Variants in ERICH2 observed in about 807,000 individuals in gnomAD.
ERICH2 encodes glutamate-rich protein 2.
In ERICH2, 17 loss-of-function variants were observed where a neutral mutation model predicts 17.4. That is an observed-to-expected ratio of 0.98 (90% CI 0.67 to 1.47). The LOEUF (loss-of-function observed/expected upper bound fraction) is 1.47, where lower values mean the gene tolerates loss of function less well. ERICH2 is among the 40% of genes most tolerant of loss of function. ERICH2 has a pLI of 0.00. For missense variants in ERICH2, 186 were observed against 183.2 expected, an observed-to-expected ratio of 1.01 and a Z score of -0.09; for synonymous variants, 51 against 61.1, an observed-to-expected ratio of 0.83 and a Z score of 0.77.
upstream of ERICH2, among the ~76,000 whole-genome samples, chr2:170,781,992 C>T (rs1701040694): frequency 6.6e-6 from 1 of 152,132 alleles, no homozygotes; most frequent in African/African-American, 2.4e-5. Context: ...TACTTAAATG[C>T]TCTGTGTTAA....
At chr2:170,791,235 C>G (rs1701281748) in intron 2 of ERICH2, among the ~76,000 whole-genome samples, 1 of 151,892 alleles carries the variant, frequency 6.6e-6, no homozygotes, top group South Asian at 2.1e-4. Flanking sequence ...TTAACCTAGA[C>G]AAGAATAGAT....
intron 3 of ERICH2, among the ~76,000 whole-genome samples, chr2:170,793,525 G>A (rs1247146780): frequency 2.0e-5 from 3 of 152,210 alleles, no homozygotes; most frequent in Non-Finnish European, 4.4e-5. Flanking sequence ...ATAGCCACAT[G>A]AATATCTGGA....
intron 2 of ERICH2, 107 bp downstream of exon 7, chr2:170,784,940 G>A (rs1701121560): frequency 1.1e-6 from 1 of 944,146 alleles, no homozygotes; most frequent in Non-Finnish European, 1.5e-6. Context: ...TAGATCTCAT[G>A]GAGGCAGAAC....
upstream of ERICH2, chr2:170,782,441 C>A (rs1259227170): frequency 4.4e-6 from 4 of 902,328 alleles, no homozygotes; most frequent in Non-Finnish European, 5.3e-6. Context: ...TAATTGAACC[C>A]TCCTTTTCTG....
rs191398012 is a variant in ERICH2 at position 170,791,647 on chromosome 2, G to A, written c.217-1216G>A. Among the ~76,000 whole-genome samples the A allele has an allele frequency of 7.4e-3, 1,124 of 151,790 alleles. 16 individuals are homozygous for A. Among genetic ancestry groups the A allele is most frequent in the African/African-American group, 0.026 (1,058 of 41,478 alleles). On this transcript the variant is annotated intron_variant, in intron 2 of 4. Coordinates refer to ENST00000409885, the Ensembl canonical transcript of ERICH2. ...AGAGCTTGCAGTGAGCCGAGATCGC[G>A]CCACTGCGCTCCAGCCTGGGCGACA...
chr2:170,798,785 A>C, exon 5 of ERICH2: 2 of 1,550,654 alleles, frequency 1.3e-6, no homozygotes, highest in Non-Finnish European at 1.7e-6. Context: ...ACTCAGAATC[A>C]TGAGCAAGAC....
At chr2:170,798,460 CA>C (rs1487720069) in intron 4 of ERICH2, among the ~76,000 whole-genome samples, 1 of 152,130 alleles carries the variant, frequency 6.6e-6, no homozygotes, top group African/African-American at 2.4e-5. Context: ...TTTCAATGGA[CA>C]ATTTTACTAT....
the ERICH2 span, chr2:170,775,506 T>A: frequency 6.6e-6 from 1 of 152,188 alleles, no homozygotes; most frequent in Non-Finnish European, 1.5e-5. Flanking sequence ...CAGGGGATTG[T>A]GGAACTCTGT....
chr2:170,783,786 G>A, exon 1 of ERICH2: 1 of 1,550,196 alleles, frequency 6.5e-7, no homozygotes, highest in Non-Finnish European at 8.7e-7. Context: ...TCAGTGCATT[G>A]AGTCAGTCTA....
At chr2:170,783,441 C>G (rs181290777), upstream of ERICH2, among the ~76,000 whole-genome samples, 452 of 152,192 alleles carry the variant, frequency 3.0e-3, 2 homozygotes, top group Middle Eastern at 0.024. Context: ...TCCAGCTACT[C>G]AGGAGGCTAA....
At chr2:170,785,350 G>T (rs567088834) in intron 2 of ERICH2, among the ~76,000 whole-genome samples, 3 of 152,186 alleles carry the variant, frequency 2.0e-5, no homozygotes, top group East Asian at 1.9e-4. Context: ...CTTTCACCAG[G>T]TTAGAGGTGA....
the ERICH2 span, among the ~76,000 whole-genome samples, chr2:170,773,391 C>A: frequency 6.6e-6 from 1 of 152,218 alleles, no homozygotes. Flanking sequence ...AAGGCAATTT[C>A]ACCTCTGTCC....
At chr2:170,774,416 A>G in the ERICH2 span, among the ~76,000 whole-genome samples, 9 of 152,122 alleles carry the variant, frequency 5.9e-5, no homozygotes, top group Non-Finnish European at 5.9e-5. Flanking sequence ...AATCCTTATA[A>G]TAATCCACCA....
At chr2:170,776,819 T>C in the ERICH2 span, among the ~76,000 whole-genome samples, 1 of 152,224 alleles carries the variant, frequency 6.6e-6, no homozygotes, top group South Asian at 2.1e-4. Context: ...GAAGGTTGGT[T>C]ACATAGGTAA....
At chr2:170,770,445 C>G in the ERICH2 span, among the ~76,000 whole-genome samples, 1 of 152,156 alleles carries the variant, frequency 6.6e-6, no homozygotes, top group Admixed American at 6.5e-5. Flanking sequence ...AGCCGGGTCT[C>G]TGGTTCTAAT....
At chr2:170,780,011 ATAC>A (rs1700991479), upstream of ERICH2, 1 of 209,268 alleles carries the variant, frequency 4.8e-6, no homozygotes, top group Non-Finnish European at 8.3e-6. Flanking sequence ...GACACTAAAT[ATAC>A]CCAACATGCT....
chr2:170,798,877 G>A, exon 5 of ERICH2: 1 of 1,550,598 alleles, frequency 6.4e-7, no homozygotes. Flanking sequence ...CTCTGACGAA[G>A]GTGAAGATGG....
At chr2:170,790,770 C>T (rs145682203) in intron 2 of ERICH2, among the ~76,000 whole-genome samples, 2,306 of 150,638 alleles carry the variant, frequency 0.015, 21 homozygotes, top group Middle Eastern at 0.038. Context: ...CACCACTGCA[C>T]TCCAGCCTGG....
chr2:170,771,288 T>C, the ERICH2 span: 21 of 152,298 alleles, frequency 1.4e-4, no homozygotes, highest in African/African-American at 4.6e-4. The surrounding 1 kb of genome is among the most constrained non-coding windows in gnomAD (Gnocchi z 4.8). Context: ...GGCGCCCGAG[T>C]CTGCGGACCG....
Sources: gnomAD v4.1 joint callset for allele counts (sites outside exome capture counted in the v4.1 genomes callset) on GRCh38, gnomAD v4.1.1 for gene constraint, Gnocchi (gnomAD v3.1) non-coding constraint, MANE v1.5 for transcripts, NCBI Gene and HGNC (gene_info 2026-07-23, HGNC 2026-07-21) for gene names.